The following FAT3 variants were observed in gnomAD, a reference collection of about 807,000 sequenced individuals.
The protein encoded by FAT3 is FAT atypical cadherin 3, also known as protocadherin Fat 3.
FAT3 carries 95 observed loss-of-function variants against 310.2 expected under a neutral mutation model. That is an observed-to-expected ratio of 0.31 (90% CI 0.26 to 0.36). The LOEUF is 0.36. Among genes scored for constraint, FAT3 ranks in the 10% least tolerant of loss-of-function variants. The probability of loss-of-function intolerance (pLI) is 1.00; values close to 1 mark genes in which losing one functional copy is unlikely to be tolerated. For missense variants in FAT3, 5,408 were observed against 5,715.6 expected (o/e 0.95, Z 1.74); for synonymous variants, 2,314 against 2,192.9 (o/e 1.06, Z -1.54).
At chr11:92,346,788 C>G (rs950762230) in intron 1 of FAT3, among the ~76,000 whole-genome samples, 1 of 152,170 alleles carries the variant, frequency 6.6e-6, no homozygotes, top group African/African-American at 2.4e-5. Context: ...TCAGGTTTCT[C>G]TGACCTTTGA....
chr11:92,666,353 ATT>A (rs35495410), intron 3 of FAT3, among the ~76,000 whole-genome samples: 6 of 140,218 alleles, frequency 4.3e-5, no homozygotes, highest in South Asian at 2.3e-4. Flanking sequence ...AATTTGAAGG[ATT>A]TTTTTTTTTT....
At chr11:92,789,284 A>G (rs1353233190) in intron 7 of FAT3, among the ~76,000 whole-genome samples, 1 of 152,232 alleles carries the variant, frequency 6.6e-6, no homozygotes, top group Non-Finnish European at 1.5e-5. Context: ...GATTATTATT[A>G]AAGCTGAGTG....
intron 3 of FAT3, among the ~76,000 whole-genome samples, chr11:92,579,322 G>A (rs890335235): frequency 2.0e-5 from 3 of 152,034 alleles, no homozygotes; most frequent in Admixed American, 2.0e-4. Flanking sequence ...GCAACTAGAG[G>A]ATAGAATGAA....
intron 1 of FAT3, among the ~76,000 whole-genome samples, chr11:92,235,723 C>T (rs1236511426): frequency 6.6e-6 from 1 of 152,150 alleles, no homozygotes; most frequent in Non-Finnish European, 1.5e-5. Flanking sequence ...CCACATTTCA[C>T]AGTTGGAGGA....
intron 2 of FAT3, among the ~76,000 whole-genome samples, chr11:92,369,492 C>T (rs1949125491): frequency 6.6e-6 from 1 of 152,134 alleles, no homozygotes; most frequent in African/African-American, 2.4e-5. Context: ...GTGAGTGGAT[C>T]TGGCTCTTTG....
chr11:92,836,682 G>A lies in FAT3; in HGVS notation c.10203G>A (p.Lys3401=), dbSNP rs774061972. 4 of 1,613,308 alleles carry A rather than the reference G, an allele frequency of 2.5e-6. No individual in the cohort carries two copies. In the East Asian group the frequency reaches 6.7e-5, roughly 27 times the overall value. Residue 3401 remains lysine (K), a synonymous_variant, in exon 16 of 28, where the codon AAG becomes AAA. Transcript: ENST00000525166. The part of the protein sequence containing the change: ...VDPVLGLVKV[K]KKLDRERVSG... ...CTGTCTTGGGACTTGTGAAAGTTAA[G>A]AAGAAATTGGACCGGGAACGGGTAA...
chr11:92,291,558 T>C (rs1946695981), intron 1 of FAT3, among the ~76,000 whole-genome samples: 2 of 152,106 alleles, frequency 1.3e-5, no homozygotes, highest in Non-Finnish European at 2.9e-5. Context: ...GCCTTACAGA[T>C]ATATAGTGTG....
At chr11:92,806,335 T>G in intron 11 of FAT3, 27 bp from the exon 12 acceptor site, 1 of 1,577,752 alleles carries the variant, frequency 6.3e-7, no homozygotes. Flanking sequence ...ACTAATGATT[T>G]TATTACCTTT....
intron 3 of FAT3, among the ~76,000 whole-genome samples, chr11:92,569,301 A>G (rs1290150114): frequency 1.3e-5 from 2 of 152,186 alleles, no homozygotes; most frequent in Non-Finnish European, 2.9e-5. Flanking sequence ...TGAGGTGGGA[A>G]TGATGTGGAA....
At chr11:92,836,129 C>T (rs771432117) in intron 15 of FAT3, among the ~76,000 whole-genome samples, 3 of 152,062 alleles carry the variant, frequency 2.0e-5, no homozygotes, top group Admixed American at 6.6e-5. Flanking sequence ...GACAGAGGGG[C>T]GGTATATTTG....
chr11:92,774,049 T>A lies in FAT3; in HGVS notation c.4204T>A (p.Phe1402Ile). 6.2e-7 allele frequency: 1 copy of A among 1,612,870 alleles called. No individual in the cohort carries two copies. The highest frequency in any genetic ancestry group is 1.3e-5 in the African/African-American group (1 of 75,004). ...PLWFDIVGGN[F>I]DSAFDAEKGV... The stretch of plus-strand genomic sequence containing the variant: ...TTCTGTGAAATCATCAGGGGGGAAT[T>A]TTGACAGCGCTTTTGATGCAGAGAA... The change falls in exon 7 of 28, where the codon TTT becomes ATT. Residue 1402 changes from phenylalanine (F) to isoleucine (I), a missense_variant. Coordinates refer to ENST00000525166, the MANE Select transcript of FAT3 (RefSeq NM_001367949.2).
intron 4 of FAT3, among the ~76,000 whole-genome samples, chr11:92,708,326 T>TC (rs1201573588): frequency 6.6e-6 from 1 of 152,234 alleles, no homozygotes. Flanking sequence ...CTAATTGTGA[T>TC]CATCCCTTTA....
At chr11:92,865,659 C>T (rs1231505473) in intron 21 of FAT3, among the ~76,000 whole-genome samples, 1 of 152,212 alleles carries the variant, frequency 6.6e-6, no homozygotes, top group Non-Finnish European at 1.5e-5. Flanking sequence ...CCCTCATTCC[C>T]TGGATCCCAA....
intron 22 of FAT3, among the ~76,000 whole-genome samples, chr11:92,878,050 G>C (rs1004272591): frequency 9.9e-5 from 15 of 152,170 alleles, no homozygotes; most frequent in Non-Finnish European, 2.1e-4. Flanking sequence ...GTATATACAT[G>C]AGCATGTGCA....
chr11:92,866,849 G>T lies in FAT3; in HGVS notation c.11767G>T (p.Glu3923Ter). The change falls in exon 22 of 28, where the codon GAG becomes TAG. Residue 3923 changes from glutamate (E) to a stop codon, truncating the protein, a stop_gained. Coordinates refer to ENST00000525166, the MANE Select transcript of FAT3 (RefSeq NM_001367949.2). LOFTEE classifies it high-confidence loss of function. ...NDGSWHSVFL[E>*]LNRNFTSLSL... ...CGGGAGCTGGCACTCGGTCTTCCTG[G>T]AGCTCAACCGCAATTTCACGAGCCT... 1 of 1,613,934 alleles carries T rather than the reference G, an allele frequency of 6.2e-7. No homozygotes were observed. The highest frequency in any genetic ancestry group is 8.5e-7 in the Non-Finnish European group (1 of 1,179,876).
At chr11:92,644,413 T>C (rs1294591720) in intron 3 of FAT3, among the ~76,000 whole-genome samples, 1 of 152,174 alleles carries the variant, frequency 6.6e-6, no homozygotes, top group South Asian at 2.1e-4. Flanking sequence ...CACTGGGTGA[T>C]GCTGAGGAAG....
chr11:92,794,044 A>AAAAAGC (rs1216185567), intron 9 of FAT3, among the ~76,000 whole-genome samples: 20 of 152,328 alleles, frequency 1.3e-4, no homozygotes, highest in Non-Finnish European at 2.2e-4. Context: ...AAAGAAAAAG[A>AAAAAGC]AAAGACATGA....
At chr11:92,556,757 AC>A (rs1955036262) in intron 3 of FAT3, among the ~76,000 whole-genome samples, 2 of 152,170 alleles carry the variant, frequency 1.3e-5, no homozygotes, top group Admixed American at 1.3e-4. Flanking sequence ...TGCCAAGCCC[AC>A]CACAGGAGAG....
chr11:92,534,643 C>T (rs7945885), intron 3 of FAT3, among the ~76,000 whole-genome samples: 1 of 152,050 alleles, frequency 6.6e-6, no homozygotes, highest in African/African-American at 2.4e-5. Context: ...TGTGTGGGCC[C>T]TAATTCAGTG....
Sources: gnomAD v4.1 joint callset for allele counts (sites outside exome capture counted in the v4.1 genomes callset) on GRCh38, gnomAD v4.1.1 for gene constraint, MANE v1.5 for transcripts, NCBI Gene and HGNC (gene_info 2026-07-23, HGNC 2026-07-21) for gene names.